CACNA2D3: variants seen among roughly 807,000 people sequenced by gnomAD.
CACNA2D3 encodes the protein calcium voltage-gated channel auxiliary subunit alpha2delta 3, also known as voltage-dependent calcium channel subunit alpha-2/delta-3.
In CACNA2D3, 60 loss-of-function variants were observed where a neutral mutation model predicts 160.6. The observed-to-expected ratio is 0.37, with a 90% CI of 0.30 to 0.46. The LOEUF (loss-of-function observed/expected upper bound fraction) is 0.46. Among genes scored for constraint, CACNA2D3 ranks in the 20% least tolerant of loss-of-function variants. The probability of loss-of-function intolerance (pLI) is 1.00; values close to 1 mark genes in which losing one functional copy is unlikely to be tolerated. For synonymous variants in CACNA2D3, 558 were observed against 492.9 expected (o/e 1.13, Z -1.75); for missense variants, 1,205 against 1,365.0 (o/e 0.88, Z 1.85).
chr3:54,916,700 G>A (rs1700670549), intron 27 of CACNA2D3, among the ~76,000 whole-genome samples: 7 of 152,148 alleles, frequency 4.6e-5, no homozygotes, highest in Admixed American at 4.6e-4. Context: ...TGCACAGTAG[G>A]AAGTGATAGG....
At chr3:54,954,458 A>G (rs1257842920) in intron 27 of CACNA2D3, among the ~76,000 whole-genome samples, 1 of 152,248 alleles carries the variant, frequency 6.6e-6, no homozygotes, top group Non-Finnish European at 1.5e-5. Context: ...GGTAGTTTCC[A>G]GAGTTAGACC....
At chr3:54,199,196 A>G (rs1258179247) in intron 2 of CACNA2D3, among the ~76,000 whole-genome samples, 1 of 152,166 alleles carries the variant, frequency 6.6e-6, no homozygotes, top group Non-Finnish European at 1.5e-5. Context: ...ACCCAAATTC[A>G]GTAGTTACTA....
At chr3:55,071,918 A>G (rs962774889) in intron 35 of CACNA2D3, among the ~76,000 whole-genome samples, 2 of 152,114 alleles carry the variant, frequency 1.3e-5, no homozygotes, top group African/African-American at 4.8e-5. Flanking sequence ...TGCCGCCTCA[A>G]AGGTGGAAAT....
rs115398926 is a variant in CACNA2D3 at position 54,768,224 on chromosome 3, A to G, written c.1380+3873A>G. 3.0e-3 allele frequency among the ~76,000 whole-genome samples: 462 copies of G among 152,278 alleles called. 1 individual carries two copies. The highest frequency in any genetic ancestry group is 9.8e-3 in the African/African-American group (407 of 41,560). On this transcript the variant is annotated intron_variant, in intron 13 of 37. Transcript: ENST00000474759. Reference sequence around the variant, plus strand: ...TGTACACTGTCTTAGTATACTATATATTGGATGAATCTCAGCAACATCTTG... The same window carrying G: ...TGTACACTGTCTTAGTATACTATATGTTGGATGAATCTCAGCAACATCTTG...
intron 8 of CACNA2D3, among the ~76,000 whole-genome samples, chr3:54,573,080 T>A (rs1480993596): frequency 6.6e-6 from 1 of 152,214 alleles, no homozygotes; most frequent in Admixed American, 6.5e-5. Flanking sequence ...TGTCCCTTTA[T>A]ATAAAGAAAC....
chr3:54,627,729 G>T (rs1699153567), intron 9 of CACNA2D3, 58 bp from the exon 10 acceptor site: 2 of 1,012,354 alleles, frequency 2.0e-6, no homozygotes, highest in Non-Finnish European at 1.5e-6. Flanking sequence ...ATTCATTCAA[G>T]GTTGGTGTTT....
At chr3:54,567,582 C>G (rs1241626321) in intron 6 of CACNA2D3, among the ~76,000 whole-genome samples, 1 of 152,170 alleles carries the variant, frequency 6.6e-6, no homozygotes, top group Non-Finnish European at 1.5e-5. Context: ...GTCTCCCAGG[C>G]TGGAGTGCAG....
intron 3 of CACNA2D3, among the ~76,000 whole-genome samples, chr3:54,356,268 T>A (rs1698647480): frequency 6.6e-6 from 1 of 152,186 alleles, no homozygotes; most frequent in South Asian, 2.1e-4. Context: ...AAAATTATCC[T>A]TTTTGGCCCT....
At chr3:55,016,489 A>G (rs1392526598) in intron 34 of CACNA2D3, among the ~76,000 whole-genome samples, 1 of 152,196 alleles carries the variant, frequency 6.6e-6, no homozygotes, top group Non-Finnish European at 1.5e-5. Context: ...TGGTGCTTTT[A>G]GCTACTACAT....
intron 11 of CACNA2D3, among the ~76,000 whole-genome samples, chr3:54,736,576 C>T (rs1008350455): frequency 6.6e-6 from 1 of 152,174 alleles, no homozygotes; most frequent in Non-Finnish European, 1.5e-5. Flanking sequence ...GTTGTTAACA[C>T]ATCATTTTCA....
intron 6 of CACNA2D3, among the ~76,000 whole-genome samples, chr3:54,565,945 A>G (rs1346816863): frequency 1.3e-5 from 2 of 152,132 alleles, no homozygotes; most frequent in Admixed American, 6.6e-5. Flanking sequence ...TGTTTTGTCC[A>G]TTACTCTGTC....
At chr3:54,238,033 C>G (rs1226433012) in intron 2 of CACNA2D3, among the ~76,000 whole-genome samples, 2 of 152,124 alleles carry the variant, frequency 1.3e-5, no homozygotes, top group African/African-American at 2.4e-5. Flanking sequence ...TTGCAGCAGC[C>G]CTTGATGCAG....
chr3:54,422,389 GAAATGTTTAAGA>G (rs1300020019), intron 4 of CACNA2D3, among the ~76,000 whole-genome samples: 3 of 152,154 alleles, frequency 2.0e-5, no homozygotes, highest in Non-Finnish European at 4.4e-5. Context: ...TTCCAATTTT[GAAATGTTTAAGA>G]AAATGTTTAA....
chr3:54,568,956 C>T (rs1265171061), intron 6 of CACNA2D3, among the ~76,000 whole-genome samples: 2 of 152,196 alleles, frequency 1.3e-5, no homozygotes, highest in East Asian at 3.8e-4. Context: ...TCAGGATTCT[C>T]TCCTGCGAAA....
At chr3:54,314,571 A>AT in intron 2 of CACNA2D3, among the ~76,000 whole-genome samples, 1 of 151,978 alleles carries the variant, frequency 6.6e-6, no homozygotes, top group South Asian at 2.1e-4. Flanking sequence ...AACATATATT[A>AT]TTTTTTGATT....
chr3:54,555,584 T>A (rs1702230706), intron 5 of CACNA2D3, among the ~76,000 whole-genome samples: 1 of 152,188 alleles, frequency 6.6e-6, no homozygotes, highest in Non-Finnish European at 1.5e-5. Flanking sequence ...ACATACAAAT[T>A]GTAAATTTAT....
chr3:55,008,482 C>T (rs3773571), intron 33 of CACNA2D3, among the ~76,000 whole-genome samples: 45,236 of 152,140 alleles, frequency 0.3, 7,400 homozygotes, highest in Non-Finnish European at 0.36. Flanking sequence ...TTGTACCAAA[C>T]TCTCTCATTC....
intron 29 of CACNA2D3, among the ~76,000 whole-genome samples, chr3:54,980,550 C>A (rs972544151): frequency 6.6e-6 from 1 of 151,672 alleles, no homozygotes; most frequent in African/African-American, 2.4e-5. Flanking sequence ...CCTTGGTGGT[C>A]TCAAATACAT....
intron 11 of CACNA2D3, among the ~76,000 whole-genome samples, chr3:54,737,135 G>C (rs1452190435): frequency 1.3e-5 from 2 of 151,766 alleles, no homozygotes; most frequent in Admixed American, 1.3e-4. Context: ...AAACAACAGT[G>C]AACAAAACTA....
Sources: allele counts gnomAD v4.1 joint callset (sites outside exome capture counted in the v4.1 genomes callset), GRCh38; gene constraint gnomAD v4.1.1; transcripts MANE v1.5; gene names NCBI Gene and HGNC (gene_info 2026-07-23, HGNC 2026-07-21).